Variants in ZNF266 observed in about 807,000 individuals in gnomAD.
ZNF266 encodes the protein zinc finger protein 1.
ZNF266 carries 16 observed loss-of-function variants against 16.4 expected under a neutral mutation model. The observed-to-expected ratio is 0.98, with a 90% CI of 0.66 to 1.48. The LOEUF (loss-of-function observed/expected upper bound fraction) is 1.48, where lower values mean the gene tolerates loss of function less well. ZNF266 is among the 40% of genes most tolerant of loss of function. The probability of loss-of-function intolerance (pLI) is 0.00; values close to 1 mark genes in which losing one functional copy is unlikely to be tolerated. For missense variants in ZNF266, 738 were observed against 689.1 expected (o/e 1.07, Z -0.79); for synonymous variants, 262 against 237.9 (o/e 1.10, Z -0.93).
chr19:9,413,897 AAGTGATCACTG>A lies in ZNF266; in HGVS notation c.1218_1228del (p.Asp408AsnfsTer9). On this transcript the variant is annotated frameshift_variant, in exon 11 of 11. Coordinates refer to ENST00000592904, the MANE Select transcript of ZNF266 (RefSeq NM_001370374.1). LOFTEE classifies it low-confidence loss of function (END_TRUNC). ...GGGTTTTATTCCAGTGTGAATTCGA[AAGTGATCACTG>A]AGGCATGAGGAATTTCTAAAGGATT... The A allele has an allele frequency of 6.2e-7, 1 of 1,614,074 alleles. No individual in the cohort carries two copies. The highest frequency in any genetic ancestry group is 8.5e-7 in the Non-Finnish European group (1 of 1,179,996).
At chr19:9,417,136 C>T (rs773341341) in intron 9 of ZNF266, among the ~76,000 whole-genome samples, 13 of 151,572 alleles carry the variant, frequency 8.6e-5, no homozygotes, top group Admixed American at 2.0e-4. Flanking sequence ...TTTGGGAGGC[C>T]AAGGCAGGTG....
In ZNF266 at chr19:9,413,633, G is replaced by T. The variant is rs778968555; in HGVS notation, c.1493C>A (p.Thr498Asn). 2 of 1,613,990 alleles carry T rather than the reference G, an allele frequency of 1.2e-6. No individual in the cohort carries two copies. Among genetic ancestry groups the T allele is most frequent in the Non-Finnish European group, 1.7e-6 (2 of 1,180,010 alleles). Residue 498 changes from threonine to asparagine, a missense_variant, in exon 11 of 11, where the codon ACT becomes AAT. Thr to Asn is a moderately conservative substitution (Grantham distance 65). Transcript: ENST00000592904. ...SNLSGHLRIHTGEKPFECLEC... is the reference protein window; with the variant it reads ...SNLSGHLRIHNGEKPFECLEC... ...CAGGCACTCAAAGGGCTTCTCTCCA[G>T]TGTGAATTCTCAAATGTCCACTAAG...
At chr19:9,429,820 G>A (rs1043395590) in intron 5 of ZNF266, among the ~76,000 whole-genome samples, 1 of 152,146 alleles carries the variant, frequency 6.6e-6, no homozygotes, top group Non-Finnish European at 1.5e-5. Context: ...GGAGATTACT[G>A]TTTTCCCCAA....
At chr19:9,418,664 C>T in intron 7 of ZNF266, 33 bp from the exon 8 acceptor site, 1 of 1,069,494 alleles carries the variant, frequency 9.4e-7, no homozygotes, top group South Asian at 1.3e-5. Context: ...GCTTGAGCCA[C>T]AAAACATGTC....
intron 5 of ZNF266, among the ~76,000 whole-genome samples, chr19:9,422,774 G>A (rs921782832): frequency 2.9e-5 from 3 of 102,628 alleles, no homozygotes; most frequent in African/African-American, 1.1e-4. Flanking sequence ...AAAATCTTCC[G>A]AGTGGCAGAA....
At position 9,413,212 on chromosome 19, in the gene ZNF266, C is replaced by A; in HGVS notation, c.*63G>T. 6.6e-7 allele frequency: 1 copy of A among 1,519,364 alleles called. No individual in the cohort carries two copies. Among genetic ancestry groups the A allele is most frequent in the African/African-American group, 1.4e-5 (1 of 71,860 alleles). The allele number at this position is 1,519,364 out of a possible 1,614,324, so 94.1% of individuals were successfully genotyped here. On this transcript the variant is annotated 3_prime_UTR_variant, in exon 11 of 11. Transcript: ENST00000592904. ...CCACATTTTTACATTCATAGGGTTT[C>A]TCCCCAGTGAGTTTTCATGTCTTCA...
rs975151572 is a variant in ZNF266 at position 9,415,810 on chromosome 19, G to A, written c.317-68C>T. The A allele has an allele frequency of 1.2e-5, 16 of 1,314,444 alleles. No homozygotes were observed. In the Admixed American group the frequency reaches 2.1e-4, roughly 17 times the overall value. The allele number at this position is 1,314,444 out of a possible 1,614,324, so 81.4% of individuals were successfully genotyped here. ...TAGACAGATGGAGCTGAAAATGAGA[G>A]GGATCATTTGTACTTGTTTTCTTTT... On this transcript the variant is annotated intron_variant, in intron 9 of 10. Coordinates refer to ENST00000592904, the MANE Select transcript of ZNF266 (RefSeq NM_001370374.1).
rs915148458 is a variant in ZNF266, at chr19:9,413,742, G to C, written c.1384C>G (p.Leu462Val). 6.2e-7 allele frequency: 1 copy of C among 1,614,128 alleles called. No individual in the cohort carries two copies. Among genetic ancestry groups the C allele is most frequent in the African/African-American group, 1.3e-5 (1 of 75,018 alleles). The change falls in exon 11 of 11, where the codon CTT becomes GTT. Residue 462 changes from leucine (L) to valine (V), a missense_variant. By Grantham distance (32) the Leu-to-Val change is conservative. Coordinates refer to ENST00000592904, the MANE Select transcript of ZNF266 (RefSeq NM_001370374.1). ...CGKAFARSSR[L>V]SEHTRTHTGE... ...GTGTGAGTTCTTGTATGTTCACTAA[G>C]GCGAGAGGATCTGGCAAAGGCCTTT...
At position 9,414,651 on chromosome 19, in the gene ZNF266, A is replaced by C. The variant is rs144153993; in HGVS notation, c.475T>G (p.Cys159Gly). The change falls in exon 11 of 11, where the codon TGC becomes GGC. Residue 159 changes from cysteine (C) to glycine (G), a missense_variant. Coordinates refer to ENST00000592904, the MANE Select transcript of ZNF266 (RefSeq NM_001370374.1). Reference sequence around the variant, plus strand: ...TGAGTTCTCACATGTGTCTTAAGGCATGAGTGTTCACTGGAGACATCTCCA... The same window carrying C: ...TGAGTTCTCACATGTGTCTTAAGGCCTGAGTGTTCACTGGAGACATCTCCA... The part of the protein sequence containing the change: ...QCGDVSSEHS[C>G]LKTHVRTQNS... 33 of 1,603,020 alleles carry C rather than the reference A, an allele frequency of 2.1e-5. No homozygotes were observed. In the African/African-American group the frequency reaches 4.0e-4, roughly 19 times the overall value.
At chr19:9,415,594 T>C in intron 10 of ZNF266, 60 bp downstream of exon 10, 5 of 1,400,328 alleles carry the variant, frequency 3.6e-6, no homozygotes, top group Non-Finnish European at 5.0e-6. Flanking sequence ...TGATTTTCTA[T>C]AATGGAATCC....
chr19:9,416,137 A>G (rs1376137554), intron 9 of ZNF266, among the ~76,000 whole-genome samples: 1 of 152,128 alleles, frequency 6.6e-6, no homozygotes, highest in African/African-American at 2.4e-5. Flanking sequence ...ATTTGTTTTC[A>G]AATTAAACAC....
intron 5 of ZNF266, among the ~76,000 whole-genome samples, chr19:9,423,783 G>A (rs1205516863): frequency 6.6e-6 from 1 of 152,158 alleles, no homozygotes; most frequent in African/African-American, 2.4e-5. Context: ...ATCGTTTCAG[G>A]TCAGGAGTTC....
chr19:9,427,264 A>G (rs2070887039), intron 5 of ZNF266, among the ~76,000 whole-genome samples: 1 of 152,154 alleles, frequency 6.6e-6, no homozygotes, highest in African/African-American at 2.4e-5. Context: ...TCCTGATTTT[A>G]TTCAATAAAC....
chr19:9,432,470 C>T (rs551074780), intron 5 of ZNF266, among the ~76,000 whole-genome samples: 6 of 152,112 alleles, frequency 3.9e-5, no homozygotes, highest in African/African-American at 1.4e-4. Context: ...CCCTAAGTGC[C>T]AAACAGAGAA....
In ZNF266 at chr19:9,413,911, G is replaced by C. The variant is rs201088948; in HGVS notation, c.1215C>G (p.Cys405Trp). 1.2e-6 allele frequency: 2 copies of C among 1,613,882 alleles called. No individual in the cohort carries two copies. The highest frequency in any genetic ancestry group is 1.7e-6 in the Non-Finnish European group (2 of 1,180,016). The change falls in exon 11 of 11, where the codon TGC becomes TGG. Residue 405 changes from cysteine to tryptophan, a missense_variant. Physicochemically the swap from Cys to Trp is radical, Grantham distance 215 (BLOSUM62 -2). Coordinates refer to ENST00000592904, the MANE Select transcript of ZNF266 (RefSeq NM_001370374.1). The part of the protein sequence containing the change: ...ICGKSFRNSS[C>W]LSDHFRIHTG... The stretch of plus-strand genomic sequence containing the variant: ...TGTGAATTCGAAAGTGATCACTGAG[G>C]CATGAGGAATTTCTAAAGGATTTTC...
In ZNF266 at chr19:9,413,659, A is replaced by C; in HGVS notation, c.1467T>G (p.Asn489Lys). 1 of 1,613,872 alleles carries C rather than the reference A, an allele frequency of 6.2e-7. No homozygotes were observed. The highest frequency in any genetic ancestry group is 8.5e-7 in the Non-Finnish European group (1 of 1,179,938). The change falls in exon 11 of 11, where the codon AAT becomes AAG. Residue 489 changes from asparagine (N) to lysine (K), a missense_variant. By Grantham distance (94) the Asn-to-Lys change is moderately conservative. Transcript: ENST00000592904. The part of the protein sequence containing the change: ...KCGKAFAISS[N>K]LSGHLRIHTG... ...TGTGAATTCTCAAATGTCCACTAAG[A>C]TTTGAAGAAATAGCAAAGGCTTTCC...
chr19:9,421,803 AGATAGATACAC>A (rs1371323362), intron 5 of ZNF266, among the ~76,000 whole-genome samples: 1 of 152,180 alleles, frequency 6.6e-6, no homozygotes, highest in African/African-American at 2.4e-5. Context: ...ATTACTGGGT[AGATAGATACAC>A]ACATTGAACT....
Position 9,413,494 on chromosome 19 carries a change from C to T in ZNF266, c.1632G>A (p.Thr544=), listed in dbSNP as rs377028044. 4.5e-5 allele frequency: 72 copies of T among 1,612,640 alleles called. No homozygotes were observed. The Admixed American group carries it at 5.7e-4, about 13-fold the overall frequency. Residue 544 remains threonine, a synonymous_variant, in exon 11 of 11, where the codon ACG becomes ACA. Coordinates refer to ENST00000592904, the MANE Select transcript of ZNF266 (RefSeq NM_001370374.1). ...MECGKAFKFP[T]CVNLHMRIHT... is the part of the protein sequence containing the mutation. ...GGATCCGCATGTGAAGGTTAACACA[C>T]GTGGGAAACTTAAAAGCTTTGCCAC...
At position 9,413,290 on chromosome 19, in the gene ZNF266, C is replaced by T. The variant is rs748105808; in HGVS notation, c.1836G>A (p.Glu612=). The part of the protein sequence containing the change: ...FRNHERRHAD[E]RLSA ...CCCACATTCCTTATGCTGACAGTCT[C>T]TCATCCGCATGCCTTCTTTCATGAT... The change falls in exon 11 of 11, where the codon GAG becomes GAA. Residue 612 remains glutamate (E), a synonymous_variant. Transcript: ENST00000592904. The T allele has an allele frequency of 6.3e-7, 1 of 1,591,034 alleles. No homozygotes were observed. Among genetic ancestry groups the T allele is most frequent in the South Asian group, 1.2e-5 (1 of 86,744 alleles).
Sources: allele counts gnomAD v4.1 joint callset (sites outside exome capture counted in the v4.1 genomes callset), GRCh38; gene constraint gnomAD v4.1.1; transcripts MANE v1.5; gene names NCBI Gene and HGNC (gene_info 2026-07-23, HGNC 2026-07-21).